The following LMNTD1 variants were observed in gnomAD, a reference collection of about 807,000 sequenced individuals.
LMNTD1 encodes lamin tail domain-containing protein 1.
In LMNTD1, 35 loss-of-function variants were observed where a neutral mutation model predicts 50.9. The ratio of observed to expected loss-of-function variants is 0.69; its 90% CI spans 0.53 to 0.91. The LOEUF (loss-of-function observed/expected upper bound fraction) is 0.91, where lower values mean the gene tolerates loss of function less well. Ranked by LOEUF, LMNTD1 falls within the 40% of genes least tolerant of loss-of-function variation. The pLI, the probability that LMNTD1 is intolerant of heterozygous loss-of-function variation, is 0.00. For synonymous variants in LMNTD1, 153 were observed against 161.9 expected (o/e 0.94, Z 0.42); for missense variants, 470 against 475.5 (o/e 0.99, Z 0.11).
chr12:25,566,330 C>G (rs568951331), intron 1 of LMNTD1, among the ~76,000 whole-genome samples: 1 of 152,212 alleles, frequency 6.6e-6, no homozygotes, highest in African/African-American at 2.4e-5. Flanking sequence ...TTTCAAATAG[C>G]TTGGCTTCAG....
At chr12:25,617,698 G>A (rs191021681) in intron 1 of LMNTD1, among the ~76,000 whole-genome samples, 94 of 152,294 alleles carry the variant, frequency 6.2e-4, no homozygotes, top group African/African-American at 2.2e-3. Flanking sequence ...AGTTCACCAC[G>A]CTTAACAGAA....
chr12:25,553,492 A>G (rs1369797026), upstream of LMNTD1, among the ~76,000 whole-genome samples: 2 of 152,148 alleles, frequency 1.3e-5, no homozygotes, highest in South Asian at 2.1e-4. Context: ...TTGTATTTCT[A>G]AGAGTCAAGG....
At chr12:25,521,138 CT>C (rs34816626) in intron 6 of LMNTD1, among the ~76,000 whole-genome samples, 89,284 of 151,252 alleles carry the variant, frequency 0.59, 27,757 homozygotes, top group Non-Finnish European at 0.7. Context: ...GGTTTGCAAA[CT>C]TTTTTTTTTC....
chr12:25,489,618 G>T (rs1003582309), intron 9 of LMNTD1, among the ~76,000 whole-genome samples: 3 of 151,790 alleles, frequency 2.0e-5, no homozygotes, highest in South Asian at 2.1e-4. Context: ...GCTGTAGACC[G>T]GAGCTGTTCC....
intron 4 of LMNTD1, among the ~76,000 whole-genome samples, chr12:25,546,064 T>C (rs1407030929): frequency 6.6e-6 from 1 of 151,646 alleles, no homozygotes; most frequent in East Asian, 1.9e-4. Flanking sequence ...AATATATATA[T>C]TAGATCCATC....
intron 9 of LMNTD1, among the ~76,000 whole-genome samples, chr12:25,489,734 A>G (rs1341313929): frequency 6.6e-6 from 1 of 152,200 alleles, no homozygotes; most frequent in African/African-American, 2.4e-5. Context: ...AAATTACAAA[A>G]GAAAACCTGG....
intron 1 of LMNTD1, among the ~76,000 whole-genome samples, chr12:25,610,815 T>A (rs1286301715): frequency 6.6e-6 from 1 of 152,154 alleles, no homozygotes; most frequent in Non-Finnish European, 1.5e-5. Flanking sequence ...ATTGATTAGA[T>A]ATAAGGAAGT....
chr12:25,510,160 C>G (rs1940155822), intron 8 of LMNTD1, among the ~76,000 whole-genome samples: 1 of 150,682 alleles, frequency 6.6e-6, no homozygotes, highest in African/African-American at 2.4e-5. Flanking sequence ...CTCTCTATAG[C>G]TCTGCGCATT....
At chr12:25,642,345 A>T (rs966839147) in intron 1 of LMNTD1, among the ~76,000 whole-genome samples, 4 of 152,150 alleles carry the variant, frequency 2.6e-5, no homozygotes, top group African/African-American at 9.7e-5. Flanking sequence ...GATTAAATAT[A>T]TCTTTATAAG....
At chr12:25,502,234 C>CT (rs375999969) in intron 9 of LMNTD1, among the ~76,000 whole-genome samples, 146 of 151,780 alleles carry the variant, frequency 9.6e-4, no homozygotes, top group Non-Finnish European at 7.8e-4. Context: ...AATTCCCCCC[C>CT]TTTTTTTTTG....
At chr12:25,535,036 A>T (rs1309193933) in intron 4 of LMNTD1, among the ~76,000 whole-genome samples, 1 of 152,228 alleles carries the variant, frequency 6.6e-6, no homozygotes, top group Admixed American at 6.5e-5. Context: ...ATTGAAAAAT[A>T]CAACCCATAA....
chr12:25,489,171 C>T lies in LMNTD1; in HGVS notation c.*23-12711G>A, dbSNP rs558495761. On this transcript the variant is annotated intron_variant, in intron 9 of 9. Coordinates refer to ENST00000458174, the MANE Select transcript of LMNTD1 (RefSeq NM_001145728.2). ...TGGGCTCCACCCAGTTCGAGCTTCC[C>T]GGCTGCTTTGTTTACCTAAGCAAGC... 5.1e-3 allele frequency among the ~76,000 whole-genome samples: 779 copies of T among 152,068 alleles called. 10 individuals are homozygous for T. Among genetic ancestry groups the T allele is most frequent in the African/African-American group, 0.017 (712 of 41,476 alleles).
chr12:25,478,617 C>T (rs907905548), intron 9 of LMNTD1, among the ~76,000 whole-genome samples: 35 of 152,000 alleles, frequency 2.3e-4, no homozygotes, highest in African/African-American at 8.0e-4. Context: ...AAACTCTATC[C>T]CACTAAAAAG....
At chr12:25,565,323 C>T (rs1944511836) in intron 1 of LMNTD1, among the ~76,000 whole-genome samples, 1 of 151,634 alleles carries the variant, frequency 6.6e-6, no homozygotes, top group South Asian at 2.1e-4. Context: ...TAGTTTCTTG[C>T]TTTTTATTTT....
intron 4 of LMNTD1, among the ~76,000 whole-genome samples, chr12:25,533,518 G>A (rs574052404): frequency 1.3e-5 from 2 of 152,178 alleles, no homozygotes; most frequent in South Asian, 2.1e-4. Context: ...GATATTCTGC[G>A]GTTTGCTAAA....
chr12:25,601,593 C>T (rs527823649), intron 1 of LMNTD1, among the ~76,000 whole-genome samples: 3 of 151,918 alleles, frequency 2.0e-5, no homozygotes, highest in Admixed American at 6.6e-5. Context: ...TATGTACCTA[C>T]CTACTATGTA....
At chr12:25,547,197 A>T in intron 3 of LMNTD1, 1 of 964,782 alleles carries the variant, frequency 1.0e-6, no homozygotes, top group Non-Finnish European at 1.2e-6. Context: ...GGACAAATCT[A>T]ATAATATATC....
intron 1 of LMNTD1, among the ~76,000 whole-genome samples, chr12:25,561,351 C>G (rs1944313145): frequency 6.6e-6 from 1 of 152,162 alleles, no homozygotes; most frequent in Admixed American, 6.5e-5. Context: ...TGTCTTTGTT[C>G]TCCTTGGTTT....
At chr12:25,598,292 GA>G (rs1945884007) in intron 1 of LMNTD1, among the ~76,000 whole-genome samples, 1 of 151,916 alleles carries the variant, frequency 6.6e-6, no homozygotes, top group South Asian at 2.1e-4. Context: ...AAAGAAAATT[GA>G]AAAATTTCTT....
Sources: allele counts gnomAD v4.1 joint callset (sites outside exome capture counted in the v4.1 genomes callset), GRCh38; gene constraint gnomAD v4.1.1; transcripts MANE v1.5; gene names NCBI Gene and HGNC (gene_info 2026-07-23, HGNC 2026-07-21).